The following WDR70 variants were observed in gnomAD, a reference collection of about 807,000 sequenced individuals.
WDR70 encodes WD repeat domain 70.
Under a neutral mutation model 88.6 loss-of-function variants are expected in WDR70, and 53 were observed. The ratio of observed to expected loss-of-function variants is 0.60; its 90% CI spans 0.48 to 0.75. WDR70 has a LOEUF of 0.75. Ranked by LOEUF, WDR70 falls within the 30% of genes least tolerant of loss-of-function variation. WDR70 has a pLI of 0.00. For synonymous variants in WDR70, 280 were observed against 270.0 expected (o/e 1.04, Z -0.36); for missense variants, 610 against 823.2 (o/e 0.74, Z 3.17).
chr5:37,633,079 C>G (rs891912562), intron 10 of WDR70, among the ~76,000 whole-genome samples: 24 of 152,212 alleles, frequency 1.6e-4, no homozygotes, highest in Non-Finnish European at 3.1e-4. Flanking sequence ...ATAGGCTATT[C>G]CATGTAAGTC....
intron 9 of WDR70, among the ~76,000 whole-genome samples, chr5:37,589,242 A>G (rs1743455109): frequency 1.0e-5 from 1 of 95,936 alleles, no homozygotes; most frequent in South Asian, 3.8e-4. Context: ...ATATATACCT[A>G]CACACATACA....
intron 3 of WDR70, among the ~76,000 whole-genome samples, chr5:37,387,194 T>A (rs1748647346): frequency 6.6e-6 from 1 of 152,072 alleles, no homozygotes; most frequent in Non-Finnish European, 1.5e-5. Flanking sequence ...GTCTACTAGA[T>A]GAGTAACATT....
At chr5:37,611,169 T>G (rs1180676368) in intron 10 of WDR70, among the ~76,000 whole-genome samples, 1 of 152,130 alleles carries the variant, frequency 6.6e-6, no homozygotes, top group Non-Finnish European at 1.5e-5. Flanking sequence ...TTTTAGTGGG[T>G]TTTTTTGTTA....
chr5:37,752,764 T>G lies in WDR70; in HGVS notation c.*191T>G. On this transcript the variant is annotated 3_prime_UTR_variant, in exon 18 of 18. Coordinates refer to ENST00000265107, the MANE Select transcript of WDR70 (RefSeq NM_018034.4). Reference sequence around the variant, plus strand: ...CTTAAATTTTCTTACCTGCAACTATTAAACTGATTACAGATAAACAAGAAA... The same window carrying G: ...CTTAAATTTTCTTACCTGCAACTATGAAACTGATTACAGATAAACAAGAAA... 1 of 522,148 alleles carries G rather than the reference T, an allele frequency of 1.9e-6. No individual in the cohort carries two copies. The highest frequency in any genetic ancestry group is 3.4e-6 in the Non-Finnish European group (1 of 298,132). 32.3% of individuals were successfully genotyped at this position (522,148 alleles called of 1,614,324 possible).
intron 9 of WDR70, among the ~76,000 whole-genome samples, chr5:37,547,395 C>T (rs906295526): frequency 7.9e-5 from 12 of 152,112 alleles, no homozygotes; most frequent in African/African-American, 2.6e-4. Flanking sequence ...TTAAAACTGT[C>T]CTTTAAATTT....
chr5:37,430,029 CAT>C (rs1239976473), intron 5 of WDR70, among the ~76,000 whole-genome samples: 1 of 152,104 alleles, frequency 6.6e-6, no homozygotes, highest in African/African-American at 2.4e-5. Context: ...TTCTCAGTAA[CAT>C]AGTGTTAAGT....
At chr5:37,738,767 A>G (rs2112726874) in intron 17 of WDR70, among the ~76,000 whole-genome samples, 1 of 152,314 alleles carries the variant, frequency 6.6e-6, no homozygotes, top group Non-Finnish European at 1.5e-5. Context: ...TGTAAAAATA[A>G]TCTTGAGAAT....
At chr5:37,746,264 T>C (rs968831231) in intron 17 of WDR70, among the ~76,000 whole-genome samples, 1 of 152,120 alleles carries the variant, frequency 6.6e-6, no homozygotes, top group South Asian at 2.1e-4. Flanking sequence ...ATTTCTGAGA[T>C]ATAGCTAAAG....
intron 10 of WDR70, among the ~76,000 whole-genome samples, chr5:37,694,840 T>TATAATAATAATAATAATAATA (rs34298664): frequency 7.3e-5 from 11 of 149,704 alleles, no homozygotes; most frequent in African/African-American, 2.5e-4. Context: ...TAACTTAAAG[T>TATAATAATAATAATAATAATA]ATAATAATAA....
At chr5:37,415,465 C>G (rs1437211765) in intron 5 of WDR70, among the ~76,000 whole-genome samples, 2 of 78,744 alleles carry the variant, frequency 2.5e-5, no homozygotes, top group African/African-American at 4.1e-5. Flanking sequence ...GGGGGCTGAT[C>G]CCCCCACCTC....
chr5:37,693,343 A>G (rs1236228888), intron 10 of WDR70, among the ~76,000 whole-genome samples: 1 of 152,242 alleles, frequency 6.6e-6, no homozygotes, highest in Non-Finnish European at 1.5e-5. Context: ...CTTTCTTCAC[A>G]GAATTGGAAA....
chr5:37,678,623 C>A (rs1746312625), intron 10 of WDR70, among the ~76,000 whole-genome samples: 1 of 152,188 alleles, frequency 6.6e-6, no homozygotes, highest in Non-Finnish European at 1.5e-5. Flanking sequence ...ATGGGCTTCC[C>A]TTTGTGGGTA....
chr5:37,681,339 G>A (rs911146865), intron 10 of WDR70, among the ~76,000 whole-genome samples: 1 of 152,168 alleles, frequency 6.6e-6, no homozygotes, highest in African/African-American at 2.4e-5. Context: ...CTGAGACTGT[G>A]AGGTTTTCTA....
intron 7 of WDR70, among the ~76,000 whole-genome samples, chr5:37,465,450 T>G (rs1739122290): frequency 6.6e-6 from 1 of 152,214 alleles, no homozygotes; most frequent in Non-Finnish European, 1.5e-5. Context: ...CAGCTAGAAT[T>G]TCAACATTTT....
chr5:37,521,085 T>A (rs1056167355), intron 9 of WDR70, among the ~76,000 whole-genome samples: 7 of 152,096 alleles, frequency 4.6e-5, no homozygotes, highest in African/African-American at 1.7e-4. Flanking sequence ...AAAACTTAAG[T>A]TGAATAGAGC....
At chr5:37,715,051 A>G (rs909443674) in intron 13 of WDR70, among the ~76,000 whole-genome samples, 2 of 152,148 alleles carry the variant, frequency 1.3e-5, no homozygotes, top group African/African-American at 2.4e-5. Context: ...CCTTTATTTT[A>G]TAGCACAGAC....
At chr5:37,577,961 C>G (rs1372033790) in intron 9 of WDR70, among the ~76,000 whole-genome samples, 3 of 152,138 alleles carry the variant, frequency 2.0e-5, no homozygotes, top group Non-Finnish European at 4.4e-5. Flanking sequence ...CCTCAGAACA[C>G]TGAGGAACAC....
intron 10 of WDR70, among the ~76,000 whole-genome samples, chr5:37,665,150 C>A (rs1360214255): frequency 6.6e-6 from 1 of 152,128 alleles, no homozygotes; most frequent in African/African-American, 2.4e-5. Flanking sequence ...TCCTTCATTG[C>A]CATATAGCTG....
intron 9 of WDR70, among the ~76,000 whole-genome samples, chr5:37,519,643 A>G (rs1405925964): frequency 1.5e-5 from 2 of 133,080 alleles, no homozygotes; most frequent in African/African-American, 2.9e-5. Flanking sequence ...CACCTCCCAG[A>G]CGGGGCGGCC....
Sources: gnomAD v4.1 joint callset for allele counts (sites outside exome capture counted in the v4.1 genomes callset) on GRCh38, gnomAD v4.1.1 for gene constraint, MANE v1.5 for transcripts, NCBI Gene and HGNC (gene_info 2026-07-23, HGNC 2026-07-21) for gene names.